The following RPL32 variants were observed in gnomAD, a reference collection of about 807,000 sequenced individuals.
RPL32 encodes large ribosomal subunit protein eL32.
For missense variants in RPL32, 117 were observed against 173.7 expected (o/e 0.67, Z 1.83); for synonymous variants, 61 against 62.6 (o/e 0.98, Z 0.12).
In RPL32 at chr3:12,835,129, T is replaced by C. The variant is rs1283905819; in HGVS notation, c.*965A>G. On this transcript the variant is annotated 3_prime_UTR_variant, in exon 4 of 4. Coordinates refer to ENST00000429711, the MANE Select transcript of RPL32 (RefSeq NM_000994.4). ...TCTGTCTCATAAGTACCACATCCCA[T>C]ATCCCTCATGACCTATATACTACAG... 1.3e-5 allele frequency: 2 copies of C among 152,212 alleles called. No individual in the cohort carries two copies. Among genetic ancestry groups the C allele is most frequent in the African/African-American group, 2.4e-5 (1 of 41,454 alleles). 9.4% of individuals were successfully genotyped at this position (152,212 alleles called of 1,614,324 possible).
intron 2 of RPL32, 73 bp downstream of exon 2, chr3:12,840,069 A>T (rs910606629): frequency 3.4e-6 from 4 of 1,171,018 alleles, no homozygotes; most frequent in Non-Finnish European, 5.1e-6. Flanking sequence ...GATAATCCTG[A>T]CTAGGTGATG....
intron 3 of RPL32, 101 bp from the exon 4 acceptor site, chr3:12,836,324 C>A: frequency 1.4e-6 from 2 of 1,435,066 alleles, no homozygotes; most frequent in Admixed American, 1.8e-5. Context: ...TAAGAGAGGG[C>A]TGCTTGGTAA....
intron 3 of RPL32, chr3:12,838,961 T>C (rs2124884332): frequency 3.5e-6 from 1 of 287,588 alleles, no homozygotes; most frequent in East Asian, 9.3e-5. Context: ...AACTCATATT[T>C]GGCTCAGAAT....
intron 3 of RPL32, among the ~76,000 whole-genome samples, chr3:12,838,277 C>T (rs772063653): frequency 6.6e-6 from 1 of 152,194 alleles, no homozygotes; most frequent in Non-Finnish European, 1.5e-5. Context: ...AATGGTGGTG[C>T]ACGCCTGTAA....
chr3:12,840,482 A>G (rs1454303569), intron 1 of RPL32: 6 of 651,538 alleles, frequency 9.2e-6, no homozygotes, highest in Middle Eastern at 5.1e-4. Flanking sequence ...GAGCCCAAAG[A>G]ATGCCAACAG....
In RPL32 at chr3:12,835,683, T is replaced by C. The variant is rs1243574259; in HGVS notation, c.*411A>G. Reference sequence around the variant, plus strand: ...AATCTGTGTAAGAAATTCATCTGGATATTTCCATGCATATTTTCTCAATTC... The same window carrying C: ...AATCTGTGTAAGAAATTCATCTGGACATTTCCATGCATATTTTCTCAATTC... On this transcript the variant is annotated 3_prime_UTR_variant, in exon 4 of 4. Transcript: ENST00000429711. 1.2e-5 allele frequency: 2 copies of C among 169,646 alleles called. No individual in the cohort carries two copies. Among genetic ancestry groups the C allele is most frequent in the Non-Finnish European group, 2.6e-5 (2 of 78,244 alleles). The allele number at this position is 169,646 out of a possible 1,614,324, so 10.5% of individuals were successfully genotyped here. A position where few individuals can be genotyped will look rare whatever the true frequency, so the allele number is the denominator to read the frequency against.
At position 12,835,208 on chromosome 3, in the gene RPL32, C is replaced by T. The variant is rs2062090335; in HGVS notation, c.*886G>A. ...AGGCTGAAGCAGGATTGCTTGAGCT[C>T]AGGAGTTCGGGAGCCTAGGCAACAT... is the stretch of plus-strand genomic sequence containing the variant. On this transcript the variant is annotated 3_prime_UTR_variant, in exon 4 of 4. Coordinates refer to ENST00000429711, the MANE Select transcript of RPL32 (RefSeq NM_000994.4). 6.6e-6 allele frequency: 1 copy of T among 152,222 alleles called. No individual in the cohort carries two copies. The highest frequency in any genetic ancestry group is 1.5e-5 in the Non-Finnish European group (1 of 68,100). 9.4% of individuals were successfully genotyped at this position (152,222 alleles called of 1,614,324 possible). A position where few individuals can be genotyped will look rare whatever the true frequency, so the allele number is the denominator to read the frequency against.
Position 12,835,843 on chromosome 3 carries a change from C to G in RPL32, c.*251G>C, listed in dbSNP as rs1340944114. 1 of 479,736 alleles carries G rather than the reference C, an allele frequency of 2.1e-6. No individual in the cohort carries two copies. The highest frequency in any genetic ancestry group is 3.8e-6 in the Non-Finnish European group (1 of 264,596). The allele number at this position is 479,736 out of a possible 1,614,324, so 29.7% of individuals were successfully genotyped here. On this transcript the variant is annotated 3_prime_UTR_variant, in exon 4 of 4. Transcript: ENST00000429711. Reference sequence around the variant, plus strand: ...CCTGGTGTGAGGGCCAAGTCTGTACCCCTCATACCCAGCCTCAACTGGAGA... The same window carrying G: ...CCTGGTGTGAGGGCCAAGTCTGTACGCCTCATACCCAGCCTCAACTGGAGA...
chr3:12,836,420 C>T (rs2062100422), intron 3 of RPL32, among the ~76,000 whole-genome samples, 197 bp from the exon 4 acceptor site: 1 of 152,140 alleles, frequency 6.6e-6, no homozygotes, highest in African/African-American at 2.4e-5. Flanking sequence ...AAAAAGTACC[C>T]TCATTGTCCC....
intron 1 of RPL32, 131 bp from the exon 2 acceptor site, chr3:12,840,373 C>T (rs1575790716): frequency 1.3e-6 from 1 of 778,126 alleles, no homozygotes; most frequent in Non-Finnish European, 2.3e-6. Context: ...GAATGGGTGC[C>T]TCTGCCAGGC....
In RPL32 at chr3:12,835,841, A is replaced by AC. The variant is rs1448700896; in HGVS notation, c.*252dup. Reference sequence around the variant, plus strand: ...TACCTGGTGTGAGGGCCAAGTCTGTACCCCTCATACCCAGCCTCAACTGGA... The same window carrying AC: ...TACCTGGTGTGAGGGCCAAGTCTGTACCCCCTCATACCCAGCCTCAACTGGA... On this transcript the variant is annotated 3_prime_UTR_variant, in exon 4 of 4. Coordinates refer to ENST00000429711, the MANE Select transcript of RPL32 (RefSeq NM_000994.4). The AC allele has an allele frequency of 2.1e-6, 1 of 476,572 alleles. No individual in the cohort carries two copies. The highest frequency in any genetic ancestry group is 2.0e-5 in the African/African-American group (1 of 50,956). The allele number at this position is 476,572 out of a possible 1,614,324, so 29.5% of individuals were successfully genotyped here. A position where few individuals can be genotyped will look rare whatever the true frequency, so the allele number is the denominator to read the frequency against.
intron 3 of RPL32, among the ~76,000 whole-genome samples, chr3:12,837,793 G>A (rs1213645244): frequency 2.0e-5 from 3 of 152,168 alleles, no homozygotes; most frequent in Non-Finnish European, 2.9e-5. Flanking sequence ...GGAAAATTCA[G>A]CTTTTTGGCT....
At chr3:12,837,059 T>A (rs1393362916) in intron 3 of RPL32, among the ~76,000 whole-genome samples, 2 of 152,246 alleles carry the variant, frequency 1.3e-5, no homozygotes, top group Admixed American at 6.5e-5. Context: ...AGCAATTGTA[T>A]TTTTAAATGT....
chr3:12,838,898 C>T (rs1037233063), intron 3 of RPL32, among the ~76,000 whole-genome samples: 4 of 152,304 alleles, frequency 2.6e-5, no homozygotes, highest in African/African-American at 7.2e-5. Flanking sequence ...TCCCCGCCCA[C>T]CTTGGACACA....
Position 12,840,149 on chromosome 3 carries a change from T to C in RPL32, c.89A>G (p.Lys30Arg), listed in dbSNP as rs776938430. Residue 30 changes from lysine to arginine, a missense_variant, in exon 2 of 4, where the codon AAA becomes AGA. Physicochemically the swap from Lys to Arg is conservative, Grantham distance 26 (BLOSUM62 2). Transcript: ENST00000429711. Reference protein sequence around the residue: ...FIRHQSDRYVKIKRNWRKPRG... With the variant: ...FIRHQSDRYVRIKRNWRKPRG... ...CATCCCAGGACCACATACCTTAATT[T>C]TGACATATCGGTCTGACTGGTGCCG... 1 of 1,613,536 alleles carries C rather than the reference T, an allele frequency of 6.2e-7. No homozygotes were observed. Among genetic ancestry groups the C allele is most frequent in the Non-Finnish European group, 8.5e-7 (1 of 1,179,482 alleles).
intron 2 of RPL32, 26 bp downstream of exon 2, chr3:12,840,116 C>A: frequency 6.4e-7 from 1 of 1,556,268 alleles, no homozygotes; most frequent in Non-Finnish European, 8.9e-7. Context: ...TCACCCCACA[C>A]CCATTTCCAT....
chr3:12,837,301 A>C (rs188380367), intron 3 of RPL32, among the ~76,000 whole-genome samples: 239 of 152,286 alleles, frequency 1.6e-3, no homozygotes, highest in South Asian at 8.3e-3. Context: ...TTATATTTTC[A>C]GTTGTTTCCA....
intron 2 of RPL32, 82 bp from the exon 3 acceptor site, chr3:12,839,612 A>G (rs1335457960): frequency 7.5e-7 from 1 of 1,340,864 alleles, no homozygotes; most frequent in Non-Finnish European, 1.1e-6. Context: ...AAAGGACCAA[A>G]TGAAAAGGAA....
rs1282131959 is a variant in RPL32 at position 12,836,265 on chromosome 3, A to G, written c.279-42T>C. 3.1e-6 allele frequency: 5 copies of G among 1,598,632 alleles called. No homozygotes were observed. The African/African-American group carries it at 5.3e-5, about 17-fold the overall frequency. ...TAGGTAAGGAGCAAGACAGCCCTCA[A>G]CACACTTGGAAAATTCCATTGGAGA... On this transcript the variant is annotated intron_variant, in intron 3 of 3. Transcript: ENST00000429711.
Sources: allele counts gnomAD v4.1 joint callset (sites outside exome capture counted in the v4.1 genomes callset), GRCh38; gene constraint gnomAD v4.1.1; transcripts MANE v1.5; gene names NCBI Gene and HGNC (gene_info 2026-07-23, HGNC 2026-07-21).